INPP5A: variants seen among roughly 807,000 people sequenced by gnomAD.
INPP5A encodes inositol polyphosphate-5-phosphatase A.
Under a neutral mutation model 65.2 loss-of-function variants are expected in INPP5A, and 14 were observed. The observed-to-expected ratio is 0.21, with a 90% CI of 0.14 to 0.34. The LOEUF is 0.34. INPP5A is among the 10% of genes least tolerant of loss of function. The probability of loss-of-function intolerance (pLI) is 1.00; values close to 1 mark genes in which losing one functional copy is unlikely to be tolerated. For synonymous variants in INPP5A, 207 were observed against 208.3 expected (o/e 0.99, Z 0.05); for missense variants, 431 against 545.6 (o/e 0.79, Z 2.09).
At chr10:132,757,097 TA>T (rs924467578) in intron 11 of INPP5A, among the ~76,000 whole-genome samples, 6 of 152,222 alleles carry the variant, frequency 3.9e-5, no homozygotes, top group Non-Finnish European at 8.8e-5. Flanking sequence ...GTTTATAAAG[TA>T]AAAAAGTTAC....
At chr10:132,648,582 C>T (rs1321030973) in intron 3 of INPP5A, among the ~76,000 whole-genome samples, 2 of 152,204 alleles carry the variant, frequency 1.3e-5, no homozygotes, top group Admixed American at 6.5e-5. Flanking sequence ...CATGAATTTT[C>T]TCAGCTTTTG....
intron 2 of INPP5A, among the ~76,000 whole-genome samples, chr10:132,641,931 T>C (rs2072431354): frequency 6.6e-6 from 1 of 152,208 alleles, no homozygotes; most frequent in Admixed American, 6.5e-5. Context: ...TTTGAGGGCG[T>C]CATCACCCCT....
At position 132,545,756 on chromosome 10, in the gene INPP5A, G is replaced by A. The variant is rs1209047606; in HGVS notation, c.75+7585G>A. On this transcript the variant is annotated intron_variant, in intron 1 of 15. Transcript: ENST00000368594. The surrounding 1 kb of genome is among the most constrained non-coding windows in gnomAD (Gnocchi z 4.6). ...GAGCTCAGAGGCTCTGGAGCCCCAA[G>A]TCGCACCCCACCAGGTCTGGTTGGT... 6.6e-6 allele frequency among the ~76,000 whole-genome samples: 1 copy of A among 152,224 alleles called. No individual in the cohort carries two copies. Among genetic ancestry groups the A allele is most frequent in the East Asian group, 1.9e-4 (1 of 5,186 alleles).
At chr10:132,769,300 C>T (rs556110627) in intron 12 of INPP5A, among the ~76,000 whole-genome samples, 11 of 152,350 alleles carry the variant, frequency 7.2e-5, no homozygotes, top group East Asian at 5.8e-4. Flanking sequence ...TTCTTCCTAG[C>T]GCCTTCTTTA....
At chr10:132,728,463 C>T (rs1846024770) in intron 9 of INPP5A, among the ~76,000 whole-genome samples, 1 of 152,218 alleles carries the variant, frequency 6.6e-6, no homozygotes, top group African/African-American at 2.4e-5. Flanking sequence ...GCCTGGGGGC[C>T]ACAGAGGCGG....
Position 132,782,232 on chromosome 10 carries a change from C to A in INPP5A, c.*203C>A. The A allele has an allele frequency of 8.4e-5, 44 of 524,368 alleles. No individual in the cohort carries two copies. Among genetic ancestry groups the A allele is most frequent in the Non-Finnish European group, 1.3e-4 (38 of 299,008 alleles). 32.5% of individuals were successfully genotyped at this position (524,368 alleles called of 1,614,324 possible). The stretch of plus-strand genomic sequence containing the variant: ...CTCACTGTCTCGTCTGTCTATGTGA[C>A]ATTAAGTAGAAATATTGGTTTTTTT... On this transcript the variant is annotated 3_prime_UTR_variant, in exon 16 of 16. Transcript: ENST00000368594. The surrounding 1 kb of genome is among the most constrained non-coding windows in gnomAD (Gnocchi z 4.4).
intron 11 of INPP5A, among the ~76,000 whole-genome samples, chr10:132,764,814 T>G (rs1296081512): frequency 0.059 from 2,268 of 38,160 alleles, no homozygotes; most frequent in Middle Eastern, 0.1. Flanking sequence ...TCCTGCAGGG[T>G]TGAGAGGGTG....
At chr10:132,710,628 TGGCAGGTAGGTGTGCTG>T (rs1845619176) in intron 8 of INPP5A, among the ~76,000 whole-genome samples, 172 bp downstream of exon 8, 1 of 129,182 alleles carries the variant, frequency 7.7e-6, no homozygotes, top group South Asian at 2.6e-4. Flanking sequence ...TAGGTATGGA[TGGCAGGTAGGTGTGCTG>T]GGCAGGTAGG....
chr10:132,762,184 C>T lies in INPP5A; in HGVS notation c.904-3589C>T, dbSNP rs1031068573. On this transcript the variant is annotated intron_variant, in intron 11 of 15. Coordinates refer to ENST00000368594, the MANE Select transcript of INPP5A (RefSeq NM_005539.5). The surrounding 1 kb of genome is among the most constrained non-coding windows in gnomAD (Gnocchi z 4.6). ...CCAGCGCTTGCGCAGTGAGGGTCCA[C>T]GAGGGGCACACTGGAGAGTCAATGG... 6.6e-6 allele frequency among the ~76,000 whole-genome samples: 1 copy of T among 152,024 alleles called. No homozygotes were observed. The highest frequency in any genetic ancestry group is 1.5e-5 in the Non-Finnish European group (1 of 68,010).
At chr10:132,715,142 G>A (rs1050237456) in intron 8 of INPP5A, among the ~76,000 whole-genome samples, 24 of 152,348 alleles carry the variant, frequency 1.6e-4, no homozygotes, top group South Asian at 4.1e-4. Context: ...AGCCAGAGGT[G>A]CACGTCAGCC....
chr10:132,699,238 G>A, intron 6 of INPP5A, among the ~76,000 whole-genome samples: 1 of 152,134 alleles, frequency 6.6e-6, no homozygotes, highest in Non-Finnish European at 1.5e-5. Context: ...CAGGGTGGGG[G>A]CTGTGGTTCC....
intron 9 of INPP5A, among the ~76,000 whole-genome samples, chr10:132,740,811 G>C (rs1846258705): frequency 1.3e-5 from 2 of 152,302 alleles, no homozygotes; most frequent in South Asian, 4.1e-4. Flanking sequence ...AGTTTTCCCA[G>C]TGAGAGCCAC....
chr10:132,636,548 G>A (rs966014040), intron 2 of INPP5A, among the ~76,000 whole-genome samples: 49 of 152,206 alleles, frequency 3.2e-4, no homozygotes, highest in African/African-American at 9.7e-4. Flanking sequence ...CCTGCTGCAC[G>A]CCTTTGGAAA....
At chr10:132,621,776 G>A (rs996814573) in intron 2 of INPP5A, among the ~76,000 whole-genome samples, 1 of 151,666 alleles carries the variant, frequency 6.6e-6, no homozygotes, top group East Asian at 1.9e-4. Flanking sequence ...ATCGTGAGGG[G>A]GGTATGTCTT....
chr10:132,705,922 C>A lies in INPP5A; in HGVS notation c.475-2391C>A, dbSNP rs1019536052. ...GAGCAGACACCAGAATACAGACTCA[C>A]CCCAAATAAAGTTGATTTCTTGGGA... On this transcript the variant is annotated intron_variant, in intron 6 of 15. Transcript: ENST00000368594. This position sits in a 1 kb window ranked among gnomAD's most constrained non-coding sequence, Gnocchi z 4.9. 1.3e-5 allele frequency among the ~76,000 whole-genome samples: 2 copies of A among 152,142 alleles called. No individual in the cohort carries two copies. The highest frequency in any genetic ancestry group is 4.8e-5 in the African/African-American group (2 of 41,420).
chr10:132,732,399 T>C (rs1485828576), intron 9 of INPP5A, among the ~76,000 whole-genome samples: 4 of 152,242 alleles, frequency 2.6e-5, no homozygotes, highest in Admixed American at 6.5e-5. Flanking sequence ...CAGTTTACTA[T>C]GTAAGTAAAG....
rs148439027 is a variant in INPP5A, at chr10:132,592,156, G to GA, written c.76-15752dup. On this transcript the variant is annotated intron_variant, in intron 1 of 15. Coordinates refer to ENST00000368594, the MANE Select transcript of INPP5A (RefSeq NM_005539.5). The stretch of plus-strand genomic sequence containing the variant: ...TCCAAAAATTATTGAATAAAATACA[G>GA]AAAAAAACCCCAGAAAGACAGCAAA... Among the ~76,000 whole-genome samples, 778 of 152,158 alleles carry GA rather than the reference G, an allele frequency of 5.1e-3. 8 individuals carry two copies. The highest frequency in any genetic ancestry group is 0.034 in the East Asian group (174 of 5,190).
At chr10:132,773,696 G>A (rs1846995240) in intron 12 of INPP5A, among the ~76,000 whole-genome samples, 1 of 152,180 alleles carries the variant, frequency 6.6e-6, no homozygotes, top group South Asian at 2.1e-4. Flanking sequence ...GACAGTGAGG[G>A]AACCCGTCCC....
In INPP5A at chr10:132,741,188, A is replaced by G. The variant is rs568432625; in HGVS notation, c.733-8329A>G. 6.6e-6 allele frequency among the ~76,000 whole-genome samples: 1 copy of G among 152,332 alleles called. No homozygotes were observed. Among genetic ancestry groups the G allele is most frequent in the Admixed American group, 6.5e-5 (1 of 15,298 alleles). On this transcript the variant is annotated intron_variant, in intron 9 of 15. Transcript: ENST00000368594. The surrounding 1 kb of genome is among the most constrained non-coding windows in gnomAD (Gnocchi z 4.4). ...TCGAGGCTGCAGTGAGCCAGCCATG[A>G]TCACATCACTGCACTCCATCCTGGC... is the stretch of plus-strand genomic sequence containing the variant.
Sources: gnomAD v4.1 joint callset for allele counts (sites outside exome capture counted in the v4.1 genomes callset) on GRCh38, gnomAD v4.1.1 for gene constraint, Gnocchi (gnomAD v3.1) non-coding constraint, MANE v1.5 for transcripts, NCBI Gene and HGNC (gene_info 2026-07-23, HGNC 2026-07-21) for gene names.